Variants in TBC1D15 observed in about 807,000 individuals in gnomAD.
The protein encoded by TBC1D15 is GAP for RAB7.
In TBC1D15, 39 loss-of-function variants were observed where a neutral mutation model predicts 95.4. The observed-to-expected ratio is 0.41, with a 90% confidence interval of 0.32 to 0.53. The LOEUF is 0.53. Among genes scored for constraint, TBC1D15 ranks in the 20% least tolerant of loss-of-function variants. TBC1D15 has a pLI of 0.29. For synonymous variants in TBC1D15, 258 were observed against 261.3 expected, an observed-to-expected ratio of 0.99 and a Z score of 0.12; for missense variants, 733 against 794.3, an observed-to-expected ratio of 0.92 and a Z score of 0.93.
At position 71,884,897 on chromosome 12, in the gene TBC1D15, G is replaced by T; in HGVS notation, c.430G>T (p.Gly144Cys). 5 of 1,614,008 alleles carry T rather than the reference G, an allele frequency of 3.1e-6. No homozygotes were observed. Among genetic ancestry groups the T allele is most frequent in the Non-Finnish European group, 4.2e-6 (5 of 1,179,950 alleles). The stretch of plus-strand genomic sequence containing the variant: ...GAAATCAATCAAGCAAAACAAAGAG[G>T]GTATGGGCTGGTCCTATTTGGTATT... ...DLKSIKQNKE[G>C]MGWSYLVFCL... is the part of the protein sequence containing the mutation. Residue 144 changes from glycine to cysteine, a missense_variant, in exon 5 of 17, where the codon GGT (glycine) becomes TGT (cysteine). Physicochemically the swap from Gly to Cys is radical, Grantham distance 159. Transcript: ENST00000485960.
intron 1 of TBC1D15, among the ~76,000 whole-genome samples, chr12:71,869,337 A>G (rs1042492902): frequency 1.3e-5 from 2 of 152,210 alleles, no homozygotes; most frequent in African/African-American, 2.4e-5. Flanking sequence ...AGCGTGGCCA[A>G]CGTGGTGAAA....
At chr12:71,848,202 C>G (rs1886821024) in intron 1 of TBC1D15, among the ~76,000 whole-genome samples, 1 of 152,114 alleles carries the variant, frequency 6.6e-6, no homozygotes. Context: ...TGATTGGATA[C>G]CTGGGAATGG....
At chr12:71,849,536 C>A in intron 1 of TBC1D15, 1 of 728,150 alleles carries the variant, frequency 1.4e-6, no homozygotes, top group Admixed American at 1.8e-5. Flanking sequence ...GCTGTAGATT[C>A]AACTTCATTA....
intron 4 of TBC1D15, among the ~76,000 whole-genome samples, chr12:71,882,691 A>G (rs1281060697): frequency 6.6e-6 from 1 of 151,096 alleles, no homozygotes; most frequent in Non-Finnish European, 1.5e-5. Context: ...ACTTGATACT[A>G]GGTTGTTAAT....
chr12:71,894,703 T>G lies in TBC1D15; in HGVS notation c.675T>G (p.Pro225=), dbSNP rs200479455. The G allele has an allele frequency of 6.2e-7, 1 of 1,612,914 alleles. No individual in the cohort carries two copies. The highest frequency in any genetic ancestry group is 8.5e-7 in the Non-Finnish European group (1 of 1,179,218). Residue 225 remains proline, a synonymous_variant, in exon 7 of 17, where the codon CCT becomes CCG. Transcript: ENST00000485960. ...YGLIQKIKKD[P]YTATMIGFSK... is the part of the protein sequence containing the mutation. ...CTGCATAGAAAATTAAAAAGGACCC[T>G]TATACGGCAACTATGATAGGATTTT...
At chr12:71,909,240 T>C (rs1351833541) in intron 11 of TBC1D15, among the ~76,000 whole-genome samples, 2 of 152,224 alleles carry the variant, frequency 1.3e-5, no homozygotes, top group African/African-American at 4.8e-5. Context: ...AGATACTTTT[T>C]ATAAAAGCAA....
In TBC1D15 at chr12:71,918,480, T is replaced by G; in HGVS notation, c.1531T>G (p.Cys511Gly). 2 of 1,609,512 alleles carry G rather than the reference T, an allele frequency of 1.2e-6. No individual in the cohort carries two copies. The highest frequency in any genetic ancestry group is 1.7e-6 in the Non-Finnish European group (2 of 1,178,502). The change falls in exon 14 of 17, where the codon TGC (cysteine) becomes GGC (glycine). Residue 511 changes from cysteine (C) to glycine (G), a missense_variant. Cys to Gly is a radical substitution (Grantham distance 159). Coordinates refer to ENST00000485960, the MANE Select transcript of TBC1D15 (RefSeq NM_001146213.3). ...ESQDSGYLYF[C>G]FRWLLIRFKR... ...TCAGGACTCTGGATACCTTTATTTT[T>G]GCTTCAGGTGGCTTTTAATCAGATT...
intron 16 of TBC1D15, 110 bp downstream of exon 16, chr12:71,921,564 G>C: frequency 1.8e-6 from 1 of 544,438 alleles, no homozygotes; most frequent in South Asian, 5.5e-5. Flanking sequence ...GCTGAGGGCA[G>C]GCACAAAGTA....
Position 71,874,661 on chromosome 12 carries a change from C to T in TBC1D15, c.204+1658C>T, listed in dbSNP as rs538921713. 4.6e-3 allele frequency among the ~76,000 whole-genome samples: 618 copies of T among 135,186 alleles called. 3 individuals carry two copies. Among genetic ancestry groups the T allele is most frequent in the Admixed American group, 0.01 (128 of 12,372 alleles). The allele number at this position is 135,186 out of a possible 152,430, so 88.7% of individuals were successfully genotyped here. A position where few individuals can be genotyped will look rare whatever the true frequency, so the allele number is the denominator to read the frequency against. On this transcript the variant is annotated intron_variant, in intron 3 of 16. Transcript: ENST00000485960. Reference sequence around the variant, plus strand: ...TTTTTGAGACGGAGTCTTGCTCTGTCGCCCAGGCTGGAGTGCAGTGGTGCG... The same window carrying T: ...TTTTTGAGACGGAGTCTTGCTCTGTTGCCCAGGCTGGAGTGCAGTGGTGCG...
intron 1 of TBC1D15, chr12:71,841,113 TATACTGCTTG>T (rs964129169): frequency 1.4e-4 from 21 of 152,198 alleles, no homozygotes; most frequent in Admixed American, 4.6e-4. Context: ...TGGATGCTGA[TATACTGCTTG>T]ACTTACTGCG....
intron 9 of TBC1D15, 104 bp downstream of exon 9, chr12:71,896,884 G>A: frequency 7.2e-6 from 5 of 698,816 alleles, no homozygotes; most frequent in East Asian, 3.2e-5. Context: ...ACTGGGGAAT[G>A]GAAAAACAAC....
intron 1 of TBC1D15, among the ~76,000 whole-genome samples, chr12:71,863,320 G>C (rs901099865): frequency 5.3e-5 from 8 of 152,170 alleles, no homozygotes; most frequent in African/African-American, 1.9e-4. Context: ...GGAGCTTGCA[G>C]TGAGCCAAGA....
intron 1 of TBC1D15, chr12:71,849,389 T>C (rs1887183874): frequency 1.4e-6 from 2 of 1,392,692 alleles, no homozygotes; most frequent in South Asian, 1.2e-5. Flanking sequence ...CGCCTCCAGC[T>C]GAGCCACTTC....
At chr12:71,899,802 G>C (rs1898948397) in intron 10 of TBC1D15, among the ~76,000 whole-genome samples, 1 of 152,026 alleles carries the variant, frequency 6.6e-6, no homozygotes. Flanking sequence ...GAGGTAAAAA[G>C]AAGTAGGTGA....
intron 10 of TBC1D15, among the ~76,000 whole-genome samples, chr12:71,902,379 G>T (rs1246283202): frequency 1.3e-5 from 2 of 152,136 alleles, no homozygotes; most frequent in South Asian, 2.1e-4. Flanking sequence ...CGAAAAACAG[G>T]CACATAAAGC....
At chr12:71,891,078 A>G (rs1036289356) in intron 5 of TBC1D15, among the ~76,000 whole-genome samples, 1 of 151,308 alleles carries the variant, frequency 6.6e-6, no homozygotes, top group Non-Finnish European at 1.5e-5. Context: ...TTGTTATTGT[A>G]CCTTTCTATC....
chr12:71,908,026 A>G (rs1271470195), intron 11 of TBC1D15: 1 of 152,158 alleles, frequency 6.6e-6, no homozygotes, highest in East Asian at 1.9e-4. Context: ...CGAAAGTTAG[A>G]TAGGCTGGGT....
intron 1 of TBC1D15, chr12:71,849,259 A>C: frequency 2.9e-6 from 2 of 683,282 alleles, no homozygotes; most frequent in Non-Finnish European, 5.1e-6. Context: ...ATCCAAGTGC[A>C]TCAGGTCTGA....
chr12:71,867,158 T>A (rs1891669308), intron 1 of TBC1D15, among the ~76,000 whole-genome samples: 2 of 152,250 alleles, frequency 1.3e-5, no homozygotes, highest in South Asian at 4.1e-4. Flanking sequence ...GCTCCTGCAT[T>A]GGTTTATAAA....
Sources: gnomAD v4.1 joint callset for allele counts (sites outside exome capture counted in the v4.1 genomes callset) on GRCh38, gnomAD v4.1.1 for gene constraint, MANE v1.5 for transcripts, NCBI Gene and HGNC (gene_info 2026-07-23, HGNC 2026-07-21) for gene names.